The following DOT1L variants were observed in gnomAD, a reference collection of about 807,000 sequenced individuals.
The protein encoded by DOT1L is DOT1 like histone lysine methyltransferase.
DOT1L carries 33 observed loss-of-function variants against 153.3 expected under a neutral mutation model. That is an observed-to-expected ratio of 0.22 (90% CI 0.16 to 0.29). DOT1L has a LOEUF of 0.29. Among genes scored for constraint, DOT1L ranks in the 10% least tolerant of loss-of-function variants. DOT1L has a pLI of 1.00. For missense variants in DOT1L, 1,847 were observed against 2,119.9 expected, an observed-to-expected ratio of 0.87 and a Z score of 2.53; for synonymous variants, 1,135 against 965.1, an observed-to-expected ratio of 1.18 and a Z score of -3.26.
At chr19:2,227,624 C>T in intron 27 of DOT1L, 1 of 1,163,266 alleles carries the variant, frequency 8.6e-7, no homozygotes, top group African/African-American at 1.7e-5. Context: ...TTGGTGCCCG[C>T]ACACGCCTGG....
rs746874007 is a variant in DOT1L, at chr19:2,217,758, G to A, written c.2545-14G>A. 7.5e-6 allele frequency: 12 copies of A among 1,593,848 alleles called. No homozygotes were observed. In the South Asian group the frequency reaches 1.1e-4, roughly 15 times the overall value. On this transcript the variant is annotated splice_polypyrimidine_tract_variant and intron_variant, in intron 21 of 27. Transcript: ENST00000398665. The surrounding 1 kb of genome is among the most constrained non-coding windows in gnomAD (Gnocchi z 7.3). ...TTGTTGACCCACGACTGGGGGTCGG[G>A]CCTTCGTCTGCAGGGCCTGAGAGAG...
intron 19 of DOT1L, 145 bp from the exon 20 acceptor site, chr19:2,216,136 C>G (rs1399483649): frequency 3.2e-6 from 4 of 1,251,934 alleles, no homozygotes; most frequent in Non-Finnish European, 4.4e-6. Flanking sequence ...GACCCCGCCT[C>G]TATGTGGTCG....
chr19:2,196,478 G>A (rs1266776196), intron 7 of DOT1L, among the ~76,000 whole-genome samples: 2 of 152,150 alleles, frequency 1.3e-5, no homozygotes, highest in African/African-American at 2.4e-5. Context: ...AATTAAAGGC[G>A]CATGCCACCA....
chr19:2,167,176 G>A (rs1192953620), intron 1 of DOT1L, among the ~76,000 whole-genome samples: 1 of 152,160 alleles, frequency 6.6e-6, no homozygotes, highest in Non-Finnish European at 1.5e-5. Flanking sequence ...CGGGATTTTT[G>A]GTGAAAGTCA....
chr19:2,186,013 CTCT>C (rs2022490446), intron 3 of DOT1L, 84 bp downstream of exon 3: 9 of 1,317,328 alleles, frequency 6.8e-6, no homozygotes, highest in Middle Eastern at 1.8e-4. Flanking sequence ...CTATAATTAG[CTCT>C]TCTTAGATGG....
At position 2,223,659 on chromosome 19, in the gene DOT1L, C is replaced by T. The variant is rs149390322; in HGVS notation, c.3596+173C>T. ...GGGCCTCCCCACAGGTCCTGGGCCC[C>T]GTTCCGGGCAGGGCCGGCCTCCCGG... is the stretch of plus-strand genomic sequence containing the variant. On this transcript the variant is annotated intron_variant, in intron 25 of 27. Coordinates refer to ENST00000398665, the MANE Select transcript of DOT1L (RefSeq NM_032482.3). Among the ~76,000 whole-genome samples the T allele has an allele frequency of 2.2e-3, 341 of 152,182 alleles. 4 individuals carry two copies. Among genetic ancestry groups the T allele is most frequent in the Non-Finnish European group, 4.4e-3 (301 of 67,984 alleles).
At position 2,226,590 on chromosome 19, in the gene DOT1L, C is replaced by T. The variant is rs760808115; in HGVS notation, c.4069C>T (p.Arg1357Cys). 10 of 1,599,176 alleles carry T rather than the reference C, an allele frequency of 6.3e-6. No homozygotes were observed. Among genetic ancestry groups the T allele is most frequent in the South Asian group, 1.1e-5 (1 of 90,466 alleles). ...LSSPLSFPSQ[R>C]GKEGSDANPF... ...CTCCCCGCTGAGCTTCCCCTCGCAGCGCGGCAAGGAGGGCTCGGACGCCAA... is the reference window on the plus strand; with the variant it reads ...CTCCCCGCTGAGCTTCCCCTCGCAGTGCGGCAAGGAGGGCTCGGACGCCAA... The change falls in exon 27 of 28, where the codon CGC becomes TGC. Residue 1357 changes from arginine to cysteine, a missense_variant. Physicochemically the swap from Arg to Cys is radical, Grantham distance 180. Transcript: ENST00000398665.
rs563481453 is a variant in DOT1L at position 2,190,453 on chromosome 19, C to T, written c.265-559C>T. Among the ~76,000 whole-genome samples, 2 of 152,094 alleles carry T rather than the reference C, an allele frequency of 1.3e-5. No homozygotes were observed. The highest frequency in any genetic ancestry group is 2.9e-5 in the Non-Finnish European group (2 of 67,998). On this transcript the variant is annotated intron_variant, in intron 4 of 27. Transcript: ENST00000398665. The surrounding 1 kb of genome is among the most constrained non-coding windows in gnomAD (Gnocchi z 4.8). Reference sequence around the variant, plus strand: ...TGGGACTGGGCTGGGCTGGGCTGCCCCATCAGCCTGCCACCCGGCTCTGGC... The same window carrying T: ...TGGGACTGGGCTGGGCTGGGCTGCCTCATCAGCCTGCCACCCGGCTCTGGC...
At chr19:2,201,718 T>C (rs1225472491) in intron 8 of DOT1L, among the ~76,000 whole-genome samples, 1 of 152,164 alleles carries the variant, frequency 6.6e-6, no homozygotes, top group Non-Finnish European at 1.5e-5. Flanking sequence ...TATAACAAAC[T>C]CTTAAGAAGC....
chr19:2,207,731 C>A lies in DOT1L; in HGVS notation c.963+51C>A. 1 of 1,490,292 alleles carries A rather than the reference C, an allele frequency of 6.7e-7. No homozygotes were observed. The highest frequency in any genetic ancestry group is 2.3e-5 in the East Asian group (1 of 43,786). The allele number at this position is 1,490,292 out of a possible 1,614,324, so 92.3% of individuals were successfully genotyped here. A position where few individuals can be genotyped will look rare whatever the true frequency, so the allele number is the denominator to read the frequency against. ...GCAGGGCCGTCCTGGTCTTCCACCCCGCCCACGTCACACTGCTCTCTCCTT... is the reference window on the plus strand; with the variant it reads ...GCAGGGCCGTCCTGGTCTTCCACCCAGCCCACGTCACACTGCTCTCTCCTT... On this transcript the variant is annotated intron_variant, in intron 11 of 27. Coordinates refer to ENST00000398665, the MANE Select transcript of DOT1L (RefSeq NM_032482.3). The surrounding 1 kb of genome is among the most constrained non-coding windows in gnomAD (Gnocchi z 4.5).
At chr19:2,223,001 C>T (rs771591977) in intron 24 of DOT1L, 6 of 477,262 alleles carry the variant, frequency 1.3e-5, no homozygotes, top group Admixed American at 3.8e-5. Context: ...CTCTGGGGTT[C>T]GGAGTGCGAT....
At position 2,209,554 on chromosome 19, in the gene DOT1L, C is replaced by T. The variant is rs142366548; in HGVS notation, c.1005+578C>T. On this transcript the variant is annotated intron_variant, in intron 12 of 27. Transcript: ENST00000398665. ...GCCCCCGCGCCCTGCACGCGCTGCA[C>T]CGTCGGAGGCAGGGCTGTCCCCTCC... 1.3e-3 allele frequency among the ~76,000 whole-genome samples: 203 copies of T among 152,276 alleles called. 1 individual carries two copies. The highest frequency in any genetic ancestry group is 4.7e-3 in the African/African-American group (197 of 41,564).
chr19:2,180,706 G>C lies in DOT1L; in HGVS notation c.82-7G>C. 1 of 1,614,006 alleles carries C rather than the reference G, an allele frequency of 6.2e-7. No individual in the cohort carries two copies. The highest frequency in any genetic ancestry group is 8.5e-7 in the Non-Finnish European group (1 of 1,179,984). ...CTCTGCGTCTCAAACTTCTCTCTCTGTTTCAGGATAAACATCACGATGCTG... is the reference window on the plus strand; with the variant it reads ...CTCTGCGTCTCAAACTTCTCTCTCTCTTTCAGGATAAACATCACGATGCTG... On this transcript the variant is annotated splice_polypyrimidine_tract_variant and splice_region_variant and intron_variant, in intron 1 of 27. Transcript: ENST00000398665.
chr19:2,220,014 C>G lies in DOT1L; in HGVS notation c.2692-94C>G, dbSNP rs2024052636. 1 of 1,200,338 alleles carries G rather than the reference C, an allele frequency of 8.3e-7. No homozygotes were observed. The highest frequency in any genetic ancestry group is 1.5e-5 in the South Asian group (1 of 67,732). 74.4% of individuals were successfully genotyped at this position (1,200,338 alleles called of 1,614,324 possible). A position where few individuals can be genotyped will look rare whatever the true frequency, so the allele number is the denominator to read the frequency against. ...CGGTGACCCCGGCGGCCTCCCCCAGCCAGCTGCAGGCCTCAACACTCACTG... is the reference window on the plus strand; with the variant it reads ...CGGTGACCCCGGCGGCCTCCCCCAGGCAGCTGCAGGCCTCAACACTCACTG... On this transcript the variant is annotated intron_variant, in intron 22 of 27. Coordinates refer to ENST00000398665, the MANE Select transcript of DOT1L (RefSeq NM_032482.3). The surrounding 1 kb of genome is among the most constrained non-coding windows in gnomAD (Gnocchi z 4.5).
chr19:2,189,919 C>A (rs1168415871), intron 4 of DOT1L, 124 bp downstream of exon 4: 2 of 1,095,536 alleles, frequency 1.8e-6, no homozygotes, highest in Non-Finnish European at 2.7e-6. Flanking sequence ...TTGGAATGTG[C>A]AGCGTGGGGG....
At position 2,197,537 on chromosome 19, in the gene DOT1L, C is replaced by T. The variant is rs1363939230; in HGVS notation, c.652-2347C>T. Among the ~76,000 whole-genome samples the T allele has an allele frequency of 6.6e-6, 1 of 152,206 alleles. No individual in the cohort carries two copies. The highest frequency in any genetic ancestry group is 1.9e-4 in the East Asian group (1 of 5,200). ...CCCTTCTGCCTCATCTTGTCAGCGT[C>T]TGGGTCAGCACCCTGCCTCCTGGGG... On this transcript the variant is annotated intron_variant, in intron 7 of 27. Coordinates refer to ENST00000398665, the MANE Select transcript of DOT1L (RefSeq NM_032482.3). This position sits in a 1 kb window ranked among gnomAD's most constrained non-coding sequence, Gnocchi z 4.1.
intron 1 of DOT1L, among the ~76,000 whole-genome samples, chr19:2,177,289 C>T (rs760990563): frequency 2.1e-4 from 32 of 152,072 alleles, no homozygotes; most frequent in Non-Finnish European, 4.4e-4. Flanking sequence ...AGTCAAATCA[C>T]GCAGGAACAA....
rs2023802634 is a variant in DOT1L, at chr19:2,213,842, T to C, written c.1660-7T>C. Reference sequence around the variant, plus strand: ...AGCATGACCTCTCCCCCGCCCCATGTCCCCAGCTGGGTGTGAAGGCGCTGA... The same window carrying C: ...AGCATGACCTCTCCCCCGCCCCATGCCCCCAGCTGGGTGTGAAGGCGCTGA... On this transcript the variant is annotated splice_polypyrimidine_tract_variant and splice_region_variant and intron_variant, in intron 17 of 27. Coordinates refer to ENST00000398665, the MANE Select transcript of DOT1L (RefSeq NM_032482.3). The C allele has an allele frequency of 6.2e-7, 1 of 1,612,894 alleles. No homozygotes were observed. Among genetic ancestry groups the C allele is most frequent in the African/African-American group, 1.3e-5 (1 of 74,950 alleles).
intron 3 of DOT1L, among the ~76,000 whole-genome samples, chr19:2,189,278 C>CCTGGTGG (rs2022686958): frequency 6.6e-6 from 1 of 152,194 alleles, no homozygotes; most frequent in East Asian, 1.9e-4. Context: ...CGGGCAGAGG[C>CCTGGTGG]CTGGTGGTCC....
Sources: allele counts gnomAD v4.1 joint callset (sites outside exome capture counted in the v4.1 genomes callset), GRCh38; gene constraint gnomAD v4.1.1; non-coding constraint Gnocchi (gnomAD v3.1); transcripts MANE v1.5; gene names NCBI Gene and HGNC (gene_info 2026-07-23, HGNC 2026-07-21).